Variants in EFCAB6 observed in about 807,000 individuals in gnomAD.
The protein encoded by EFCAB6 is EF-hand calcium-binding domain-containing protein 6.
Under a neutral mutation model 169.8 loss-of-function variants are expected in EFCAB6, and 156 were observed. The ratio of observed to expected loss-of-function variants is 0.92; its 90% CI spans 0.81 to 1.05. EFCAB6 has a LOEUF of 1.05. Ranked by LOEUF, EFCAB6 falls within the 50% of genes least tolerant of loss-of-function variation. EFCAB6 has a pLI of 0.00. For synonymous variants in EFCAB6, 698 were observed against 676.4 expected (o/e 1.03, Z -0.50); for missense variants, 1,800 against 1,829.1 (o/e 0.98, Z 0.29).
chr22:43,646,626 C>G (rs944269754), intron 17 of EFCAB6, among the ~76,000 whole-genome samples: 1 of 151,862 alleles, frequency 6.6e-6, no homozygotes, highest in Admixed American at 6.6e-5. Flanking sequence ...GAAGAAGAGC[C>G]CCATCTTACA....
intron 2 of EFCAB6, among the ~76,000 whole-genome samples, chr22:43,791,138 C>A (rs993442396): frequency 1.3e-5 from 2 of 152,076 alleles, no homozygotes; most frequent in African/African-American, 4.8e-5. Context: ...CTTTGGGAGG[C>A]CAGGGTGGGC....
At chr22:43,555,686 C>G (rs936535772) in intron 26 of EFCAB6, among the ~76,000 whole-genome samples, 1 of 152,208 alleles carries the variant, frequency 6.6e-6, no homozygotes, top group Non-Finnish European at 1.5e-5. Flanking sequence ...GGTGACCTCC[C>G]CACAGTGGGC....
intron 3 of EFCAB6, among the ~76,000 whole-genome samples, chr22:43,779,212 C>T (rs1035201145): frequency 6.6e-6 from 1 of 152,098 alleles, no homozygotes; most frequent in Non-Finnish European, 1.5e-5. Flanking sequence ...AAAAAGAACT[C>T]GTGACTATGA....
chr22:43,685,700 T>G (rs2058168302), intron 11 of EFCAB6, among the ~76,000 whole-genome samples: 2 of 152,220 alleles, frequency 1.3e-5, no homozygotes, highest in South Asian at 4.1e-4. Flanking sequence ...TGTCACGGTA[T>G]TCTGAATGAC....
At chr22:43,569,879 A>G (rs967234574) in intron 26 of EFCAB6, among the ~76,000 whole-genome samples, 3 of 152,248 alleles carry the variant, frequency 2.0e-5, no homozygotes, top group Non-Finnish European at 4.4e-5. Flanking sequence ...AGTAATGCTA[A>G]TATCTTAATA....
chr22:43,770,568 A>C (rs921734578), intron 4 of EFCAB6, among the ~76,000 whole-genome samples: 3 of 152,244 alleles, frequency 2.0e-5, no homozygotes, highest in East Asian at 3.8e-4. Flanking sequence ...AATTAAATGG[A>C]AATTCTACAA....
At chr22:43,785,298 AC>A (rs1307989961) in intron 2 of EFCAB6, among the ~76,000 whole-genome samples, 1 of 152,198 alleles carries the variant, frequency 6.6e-6, no homozygotes, top group Non-Finnish European at 1.5e-5. Flanking sequence ...AAGCCTCAAT[AC>A]ATTTAAAAGG....
At chr22:43,723,568 A>T (rs865782734) in intron 8 of EFCAB6, among the ~76,000 whole-genome samples, 5 of 152,216 alleles carry the variant, frequency 3.3e-5, no homozygotes, top group African/African-American at 9.6e-5. Flanking sequence ...AAATTTTTTT[A>T]AATTATCAGG....
chr22:43,650,982 A>C (rs1471889204), intron 17 of EFCAB6, among the ~76,000 whole-genome samples: 1 of 152,258 alleles, frequency 6.6e-6, no homozygotes, highest in Non-Finnish European at 1.5e-5. Context: ...TGAGGGAAGC[A>C]GAGTATAAAA....
At chr22:43,743,148 T>G (rs141661664) in intron 6 of EFCAB6, among the ~76,000 whole-genome samples, 229 of 152,302 alleles carry the variant, frequency 1.5e-3, no homozygotes, top group African/African-American at 5.4e-3. Flanking sequence ...AAATATTCAA[T>G]TAAAAAGATT....
rs534877469 is a variant in EFCAB6 at position 43,609,290 on chromosome 22, G to A, written c.2563-690C>T. Reference sequence around the variant, plus strand: ...CAAAGTGAGAATATCTTCATCACCCGCTATTCTACATTGTACTGCGGGGTC... The same window carrying A: ...CAAAGTGAGAATATCTTCATCACCCACTATTCTACATTGTACTGCGGGGTC... On this transcript the variant is annotated intron_variant, in intron 21 of 31. Coordinates refer to ENST00000262726, the MANE Select transcript of EFCAB6 (RefSeq NM_022785.4). Among the ~76,000 whole-genome samples, 9 of 152,222 alleles carry A rather than the reference G, an allele frequency of 5.9e-5. No homozygotes were observed. In the East Asian group the frequency reaches 9.6e-4, roughly 16 times the overall value.
At chr22:43,662,847 G>T (rs1038734263) in intron 17 of EFCAB6, among the ~76,000 whole-genome samples, 9 of 152,154 alleles carry the variant, frequency 5.9e-5, no homozygotes, top group Non-Finnish European at 1.2e-4. Flanking sequence ...CTGGAAGCCT[G>T]TTCACATCCA....
intron 6 of EFCAB6, among the ~76,000 whole-genome samples, chr22:43,736,702 G>C (rs1206561987): frequency 6.6e-6 from 1 of 152,064 alleles, no homozygotes; most frequent in African/African-American, 2.4e-5. Context: ...TGTGCTCTTG[G>C]CCTTAAACTA....
chr22:43,646,735 C>T (rs1602921970), intron 17 of EFCAB6, among the ~76,000 whole-genome samples: 1 of 152,136 alleles, frequency 6.6e-6, no homozygotes, highest in South Asian at 2.1e-4. Context: ...TTCAGGCTAA[C>T]TAAAATCAAA....
chr22:43,808,632 TCAGA>T (rs1333708622), intron 2 of EFCAB6, among the ~76,000 whole-genome samples: 6 of 151,852 alleles, frequency 4.0e-5, no homozygotes, highest in Admixed American at 1.3e-4. Context: ...GAAAGATAAA[TCAGA>T]CAGAGCATTG....
In EFCAB6 at chr22:43,643,454, C is replaced by T. The variant is rs146503693; in HGVS notation, c.1984-8238G>A. On this transcript the variant is annotated intron_variant, in intron 17 of 31. Transcript: ENST00000262726. The stretch of plus-strand genomic sequence containing the variant: ...CCCAGAGATGCAAGAGCCTGCCTCA[C>T]GGTCACGTGTGAGCAATAAGGAGCC... Among the ~76,000 whole-genome samples, 506 of 152,340 alleles carry T rather than the reference C, an allele frequency of 3.3e-3. 1 individual carries two copies. The highest frequency in any genetic ancestry group is 0.012 in the African/African-American group (486 of 41,588).
At chr22:43,711,266 G>T (rs1443481489) in intron 10 of EFCAB6, among the ~76,000 whole-genome samples, 1 of 152,164 alleles carries the variant, frequency 6.6e-6, no homozygotes, top group East Asian at 1.9e-4. Flanking sequence ...GAATACAAAT[G>T]AAATAATTGG....
chr22:43,738,265 C>T (rs1369724538), intron 6 of EFCAB6, among the ~76,000 whole-genome samples: 1 of 151,760 alleles, frequency 6.6e-6, no homozygotes, highest in Non-Finnish European at 1.5e-5. Context: ...CACTCACACA[C>T]ATGCACATAT....
chr22:43,772,091 C>T (rs2061489084), intron 4 of EFCAB6, among the ~76,000 whole-genome samples: 1 of 152,140 alleles, frequency 6.6e-6, no homozygotes, highest in Non-Finnish European at 1.5e-5. Flanking sequence ...TTTCAGATAG[C>T]TCTCCCTCCA....
Sources: gnomAD v4.1 joint callset for allele counts (sites outside exome capture counted in the v4.1 genomes callset) on GRCh38, gnomAD v4.1.1 for gene constraint, MANE v1.5 for transcripts, NCBI Gene and HGNC (gene_info 2026-07-23, HGNC 2026-07-21) for gene names.